The following STK32A variants were observed in gnomAD, a reference collection of about 807,000 sequenced individuals.
STK32A encodes serine/threonine kinase 32A, also known as serine/threonine-protein kinase 32A.
In STK32A, 41 loss-of-function variants were observed where a neutral mutation model predicts 53.2. The observed-to-expected ratio is 0.77, with a 90% confidence interval of 0.60 to 1.00. The LOEUF (loss-of-function observed/expected upper bound fraction) is 1.00, where lower values mean the gene tolerates loss of function less well. STK32A is among the 50% of genes least tolerant of loss of function. The probability of loss-of-function intolerance (pLI) is 0.00; values close to 1 mark genes in which losing one functional copy is unlikely to be tolerated. For missense variants in STK32A, 458 were observed against 485.8 expected, an observed-to-expected ratio of 0.94 and a Z score of 0.54; for synonymous variants, 166 against 162.8, an observed-to-expected ratio of 1.02 and a Z score of -0.15.
chr5:147,298,863 C>T (rs945562765), intron 4 of STK32A, among the ~76,000 whole-genome samples: 3 of 152,094 alleles, frequency 2.0e-5, no homozygotes, highest in Admixed American at 6.6e-5. Context: ...ATTCCAATCC[C>T]GCAGAGTTAA....
At chr5:147,305,955 C>CGAAAAATAAGAAG (rs1753384460) in intron 4 of STK32A, among the ~76,000 whole-genome samples, 1 of 150,376 alleles carries the variant, frequency 6.6e-6, no homozygotes, top group Non-Finnish European at 1.5e-5. Flanking sequence ...TCTTATTTTT[C>CGAAAAATAAGAAG]TACACATATT....
At chr5:147,240,772 A>C (rs929003308) in intron 2 of STK32A, among the ~76,000 whole-genome samples, 1 of 152,208 alleles carries the variant, frequency 6.6e-6, no homozygotes, top group African/African-American at 2.4e-5. Context: ...GTGACAATCT[A>C]GGCATAAGTA....
chr5:147,368,277 A>G (rs1756855764), intron 8 of STK32A, among the ~76,000 whole-genome samples: 1 of 152,240 alleles, frequency 6.6e-6, no homozygotes, highest in African/African-American at 2.4e-5. Context: ...CACTTCTGAA[A>G]TACAACCATA....
chr5:147,393,930 G>T, the STK32A span: 1 of 1,165,076 alleles, frequency 8.6e-7, no homozygotes, highest in Non-Finnish European at 1.3e-6. Flanking sequence ...TGATTCTTTA[G>T]ATCACAACCG....
chr5:147,398,697 G>A, the STK32A span, among the ~76,000 whole-genome samples: 14 of 152,212 alleles, frequency 9.2e-5, no homozygotes, highest in South Asian at 2.1e-4. Flanking sequence ...CCTGACTTCC[G>A]GAAGTTAGGT....
At chr5:147,286,510 A>C (rs554955796) in intron 4 of STK32A, among the ~76,000 whole-genome samples, 1 of 152,250 alleles carries the variant, frequency 6.6e-6, no homozygotes, top group Admixed American at 6.5e-5. Context: ...GTCCCAGTTT[A>C]TGCAGCTGTT....
Position 147,260,555 on chromosome 5 carries a change from A to G in STK32A, c.53-17569A>G, listed in dbSNP as rs959862807. ...GGATGTCTCGCCTTGCCTGTCCTCGAAGGCTCAACTCCTCAAACCAAGGGG... is the reference window on the plus strand; with the variant it reads ...GGATGTCTCGCCTTGCCTGTCCTCGGAGGCTCAACTCCTCAAACCAAGGGG... On this transcript the variant is annotated intron_variant, in intron 2 of 12. Transcript: ENST00000397936. 6.2e-5 allele frequency among the ~76,000 whole-genome samples: 9 copies of G among 145,784 alleles called. No homozygotes were observed. The East Asian group carries it at 1.4e-3, about 22-fold the overall frequency.
chr5:147,389,471 G>C (rs1757746741), downstream of STK32A, among the ~76,000 whole-genome samples: 1 of 152,184 alleles, frequency 6.6e-6, no homozygotes, highest in Non-Finnish European at 1.5e-5. Flanking sequence ...CATGCCCCAA[G>C]CCAGACTGAA....
intron 4 of STK32A, among the ~76,000 whole-genome samples, chr5:147,292,061 C>T (rs1386925595): frequency 1.3e-5 from 2 of 152,156 alleles, no homozygotes; most frequent in East Asian, 3.9e-4. Flanking sequence ...TGAATTTCTC[C>T]CTTCTTCAGG....
intron 4 of STK32A, among the ~76,000 whole-genome samples, chr5:147,296,876 G>C (rs1752891660): frequency 6.6e-6 from 1 of 152,114 alleles, no homozygotes; most frequent in South Asian, 2.1e-4. Context: ...TTTCAACTTA[G>C]TTTGTTTCTT....
At chr5:147,332,242 A>T (rs1754905874) in intron 5 of STK32A, among the ~76,000 whole-genome samples, 1 of 152,172 alleles carries the variant, frequency 6.6e-6, no homozygotes, top group Non-Finnish European at 1.5e-5. Context: ...TCAGTAAGTC[A>T]AGTCCATTGG....
chr5:147,336,699 C>A (rs1755140952), intron 5 of STK32A, among the ~76,000 whole-genome samples: 1 of 152,176 alleles, frequency 6.6e-6, no homozygotes, highest in African/African-American at 2.4e-5. Context: ...GACAGCCTTT[C>A]ACTTCTGCCC....
At chr5:147,368,880 G>A (rs1186268434) in intron 8 of STK32A, among the ~76,000 whole-genome samples, 1 of 152,008 alleles carries the variant, frequency 6.6e-6, no homozygotes, top group Non-Finnish European at 1.5e-5. Flanking sequence ...AGGTGGCCCA[G>A]AAACAGTAGG....
intron 11 of STK32A, chr5:147,376,002 T>G (rs72833312): frequency 0.21 from 31,621 of 152,066 alleles, 4,095 homozygotes; most frequent in East Asian, 0.55. Context: ...GCTACTTTTT[T>G]TTAGTAGCTA....
At chr5:147,330,020 A>G (rs960626126) in intron 5 of STK32A, among the ~76,000 whole-genome samples, 1 of 152,190 alleles carries the variant, frequency 6.6e-6, no homozygotes, top group Non-Finnish European at 1.5e-5. Flanking sequence ...CCTTTCCACT[A>G]TGCTGGATTA....
intron 2 of STK32A, among the ~76,000 whole-genome samples, chr5:147,244,486 G>A (rs1472055422): frequency 1.3e-5 from 2 of 152,156 alleles, no homozygotes; most frequent in Admixed American, 6.5e-5. Context: ...TTGTGTTTTA[G>A]TAATGGGACA....
chr5:147,349,076 G>A (rs991346697), intron 6 of STK32A, among the ~76,000 whole-genome samples: 9 of 152,120 alleles, frequency 5.9e-5, no homozygotes, highest in Non-Finnish European at 7.3e-5. Context: ...CCAACACTAT[G>A]AGCAGGACCC....
chr5:147,373,397 A>C, intron 10 of STK32A, 103 bp downstream of exon 10: 1 of 1,467,162 alleles, frequency 6.8e-7, no homozygotes, highest in South Asian at 1.2e-5. Context: ...CAGTGTTGTT[A>C]AGAGAGCCCC....
chr5:147,367,510 G>A (rs1017611067), intron 8 of STK32A, among the ~76,000 whole-genome samples: 1 of 152,160 alleles, frequency 6.6e-6, no homozygotes, highest in African/African-American at 2.4e-5. Flanking sequence ...GAGAATCAGC[G>A]AAGGGAGATA....
Sources: allele counts gnomAD v4.1 joint callset (sites outside exome capture counted in the v4.1 genomes callset), GRCh38; gene constraint gnomAD v4.1.1; transcripts MANE v1.5; gene names NCBI Gene and HGNC (gene_info 2026-07-23, HGNC 2026-07-21).